The following PWWP2B variants were observed in gnomAD, a reference collection of about 807,000 sequenced individuals.
PWWP2B encodes the protein PWWP domain containing 2B, also known as PWWP domain-containing protein 2B.
In PWWP2B, 9 loss-of-function variants were observed where a neutral mutation model predicts 15.5. The observed-to-expected ratio is 0.58, with a 90% CI of 0.35 to 1.02. The LOEUF is 1.02. Among genes scored for constraint, PWWP2B ranks in the 50% least tolerant of loss-of-function variants. The pLI, the probability that PWWP2B is intolerant of heterozygous loss-of-function variation, is 0.02. For missense variants in PWWP2B, 864 were observed against 865.3 expected, an observed-to-expected ratio of 1.00 and a Z score of 0.02; for synonymous variants, 474 against 403.6, an observed-to-expected ratio of 1.17 and a Z score of -2.09.
At chr10:132,407,313 A>G (rs1315416363) in intron 2 of PWWP2B, among the ~76,000 whole-genome samples, 1 of 152,118 alleles carries the variant, frequency 6.6e-6, no homozygotes, top group Non-Finnish European at 1.5e-5. Context: ...TCCTGGCTCC[A>G]TGGCCTAACC....
Position 132,417,611 on chromosome 10 carries a change from G to C in PWWP2B, c.*567G>C, listed in dbSNP as rs2069879446. The C allele has an allele frequency of 6.5e-6, 1 of 154,272 alleles. No homozygotes were observed. The highest frequency in any genetic ancestry group is 2.4e-5 in the African/African-American group (1 of 41,462). 9.6% of individuals were successfully genotyped at this position (154,272 alleles called of 1,614,324 possible). On this transcript the variant is annotated 3_prime_UTR_variant, in exon 3 of 3. Coordinates refer to ENST00000305233, the MANE Select transcript of PWWP2B (RefSeq NM_138499.4). The stretch of plus-strand genomic sequence containing the variant: ...GGTCTCTGTGCACTTGAGAGCTGGG[G>C]GACCCACCCACCGTCTCCCACTCCA...
At chr10:132,415,945 T>G (rs1280066609) in intron 2 of PWWP2B, among the ~76,000 whole-genome samples, 2 of 151,458 alleles carry the variant, frequency 1.3e-5, no homozygotes, top group African/African-American at 4.9e-5. Context: ...CTTACATTCA[T>G]GCTCACACAC....
At chr10:132,401,757 C>T (rs911825795) in intron 1 of PWWP2B, among the ~76,000 whole-genome samples, 7 of 152,380 alleles carry the variant, frequency 4.6e-5, no homozygotes, top group African/African-American at 1.2e-4. Flanking sequence ...TGGTCTCGCT[C>T]GGCCTCACTG....
intron 1 of PWWP2B, among the ~76,000 whole-genome samples, chr10:132,397,934 C>T (rs1426973092): frequency 6.6e-6 from 1 of 152,048 alleles, no homozygotes; most frequent in African/African-American, 2.4e-5. Context: ...GGCACATCCC[C>T]CGGGAGCCCT....
At position 132,405,221 on chromosome 10, in the gene PWWP2B, A is replaced by G. The variant is rs2069677597; in HGVS notation, c.721A>G (p.Arg241Gly). The G allele has an allele frequency of 6.3e-7, 1 of 1,598,994 alleles. No individual in the cohort carries two copies. The part of the protein sequence containing the change: ...RSKRERREED[R>G]APAEQVPRSP... ...CAAGAGGGAGAGGCGCGAGGAGGAC[A>G]GGGCCCCGGCAGAGCAGGTCCCGCG... Residue 241 changes from arginine to glycine, a missense_variant, in exon 2 of 3, where the codon AGG (arginine) becomes GGG (glycine). Physicochemically the swap from Arg to Gly is moderately radical, Grantham distance 125. This residue lies in a region of PWWP2B where 736 missense variants were observed against 687.7 expected (regional missense o/e 1.07). Coordinates refer to ENST00000305233, the MANE Select transcript of PWWP2B (RefSeq NM_138499.4).
intron 1 of PWWP2B, among the ~76,000 whole-genome samples, chr10:132,398,135 T>C (rs1435515439): frequency 6.6e-6 from 1 of 152,238 alleles, no homozygotes; most frequent in Non-Finnish European, 1.5e-5. Flanking sequence ...CCTGCAGGGC[T>C]TTCTTTTGAA....
chr10:132,409,981 C>T (rs540952283), intron 2 of PWWP2B, among the ~76,000 whole-genome samples: 5 of 152,066 alleles, frequency 3.3e-5, no homozygotes, highest in Admixed American at 2.0e-4. Context: ...TCAGGGGGCC[C>T]GGTGGGCCAA....
At chr10:132,400,479 G>T (rs1377444346) in intron 1 of PWWP2B, among the ~76,000 whole-genome samples, 2 of 152,158 alleles carry the variant, frequency 1.3e-5, no homozygotes, top group East Asian at 3.9e-4. Context: ...TCCTGGGGCA[G>T]GTGCCCACAG....
At chr10:132,404,019 AGGACGGCATTCTCCAGGGCTCCTG>A (rs1452073292) in intron 1 of PWWP2B, among the ~76,000 whole-genome samples, 1 of 56,332 alleles carries the variant, frequency 1.8e-5, no homozygotes, top group East Asian at 7.1e-4. Context: ...GGGCTCCTGC[AGGACGGCATTCTCCAGGGCTCCTG>A]CAGGACGGCA....
At chr10:132,397,575 C>T (rs1273356920) in intron 1 of PWWP2B, among the ~76,000 whole-genome samples, 2 of 148,950 alleles carry the variant, frequency 1.3e-5, no homozygotes, top group Admixed American at 6.6e-5. Flanking sequence ...GGGCGCCGGG[C>T]CGGGGCGGGC....
At chr10:132,415,633 TCA>T (rs879312172) in intron 2 of PWWP2B, among the ~76,000 whole-genome samples, 3 of 132,758 alleles carry the variant, frequency 2.3e-5, no homozygotes, top group Middle Eastern at 4.5e-3. Context: ...ACACATCCAC[TCA>T]CACACCCACT....
intron 2 of PWWP2B, among the ~76,000 whole-genome samples, chr10:132,415,694 T>C (rs549082303): frequency 4.0e-4 from 48 of 119,452 alleles, no homozygotes; most frequent in African/African-American, 1.6e-3. Flanking sequence ...CACACACACA[T>C]GCACTCTCAC....
chr10:132,412,524 C>A (rs913586699), intron 2 of PWWP2B, among the ~76,000 whole-genome samples: 1 of 152,102 alleles, frequency 6.6e-6, no homozygotes, highest in East Asian at 1.9e-4. Context: ...CCTGGAGACC[C>A]GGGGGTTGGT....
intron 1 of PWWP2B, 56 bp downstream of exon 1, chr10:132,397,407 C>T: frequency 8.6e-7 from 1 of 1,162,584 alleles, no homozygotes; most frequent in South Asian, 3.7e-5. Flanking sequence ...CACCCGCCTC[C>T]GCCGCCCGGA....
At position 132,405,209 on chromosome 10, in the gene PWWP2B, C is replaced by T. The variant is rs374692074; in HGVS notation, c.709C>T (p.Arg237Cys). 1.2e-4 allele frequency: 187 copies of T among 1,585,788 alleles called. 1 individual carries two copies. The highest frequency in any genetic ancestry group is 1.8e-4 in the Admixed American group (10 of 56,106). ...CGCCAGGAGGAGCAAGAGGGAGAGG[C>T]GCGAGGAGGACAGGGCCCCGGCAGA... ...ATARRSKRER[R>C]EEDRAPAEQV... Residue 237 changes from arginine to cysteine, a missense_variant, in exon 2 of 3, where the codon CGC becomes TGC. Arg to Cys is a radical substitution (Grantham distance 180). Around this residue, in one of 2 missense-constraint regions of PWWP2B, gnomAD observed 736 missense variants for 687.7 expected, o/e 1.07. Coordinates refer to ENST00000305233, the MANE Select transcript of PWWP2B (RefSeq NM_138499.4).
intron 1 of PWWP2B, among the ~76,000 whole-genome samples, chr10:132,399,632 T>G (rs967199915): frequency 1.3e-5 from 2 of 152,328 alleles, no homozygotes; most frequent in Middle Eastern, 3.4e-3. Flanking sequence ...ACTGCACACC[T>G]ACTGTGTGCC....
At position 132,404,732 on chromosome 10, in the gene PWWP2B, A is replaced by G. The variant is rs769768640; in HGVS notation, c.232A>G (p.Met78Val). Reference protein sequence around the residue: ...RAPEEGDAEVMQLGSSSPPPA... With the variant: ...RAPEEGDAEVVQLGSSSPPPA... ...TCCCGAGGAGGGGGATGCAGAGGTG[A>G]TGCAGCTGGGGTCCAGCTCCCCCCC... The change falls in exon 2 of 3, where the codon ATG becomes GTG. Residue 78 changes from methionine (M) to valine (V), a missense_variant. Met to Val is a conservative substitution (Grantham distance 21, BLOSUM62 1). Coordinates refer to ENST00000305233, the MANE Select transcript of PWWP2B (RefSeq NM_138499.4). 1 of 1,609,448 alleles carries G rather than the reference A, an allele frequency of 6.2e-7. No individual in the cohort carries two copies. Among genetic ancestry groups the G allele is most frequent in the South Asian group, 1.1e-5 (1 of 90,986 alleles).
intron 2 of PWWP2B, among the ~76,000 whole-genome samples, chr10:132,408,158 G>A (rs757309275): frequency 1.3e-5 from 2 of 152,238 alleles, no homozygotes; most frequent in South Asian, 2.1e-4. Context: ...CTCTGGGAGT[G>A]GGGGTGCCGG....
At chr10:132,406,603 T>C (rs897517910) in intron 2 of PWWP2B, among the ~76,000 whole-genome samples, 1 of 152,260 alleles carries the variant, frequency 6.6e-6, no homozygotes, top group Non-Finnish European at 1.5e-5. Flanking sequence ...TCAGTCGTTG[T>C]TTGGAGTCAG....
Sources: gnomAD v4.1 joint callset for allele counts (sites outside exome capture counted in the v4.1 genomes callset) on GRCh38, gnomAD v4.1.1 for gene constraint, gnomAD v4.1.1 regional missense constraint, MANE v1.5 for transcripts, NCBI Gene and HGNC (gene_info 2026-07-23, HGNC 2026-07-21) for gene names.